The following EPB41L3 variants were observed in gnomAD, a reference collection of about 807,000 sequenced individuals.
EPB41L3 encodes erythrocyte membrane protein band 4.1 like 3.
Under a neutral mutation model 127.1 loss-of-function variants are expected in EPB41L3, and 57 were observed. The ratio of observed to expected loss-of-function variants is 0.45; its 90% CI spans 0.36 to 0.56. The LOEUF is 0.56. Among genes scored for constraint, EPB41L3 ranks in the 20% least tolerant of loss-of-function variants. The pLI is 0.00. For missense variants in EPB41L3, 1,273 were observed against 1,372.2 expected, an observed-to-expected ratio of 0.93 and a Z score of 1.14; for synonymous variants, 572 against 549.5, an observed-to-expected ratio of 1.04 and a Z score of -0.57.
At chr18:5,428,111 G>A (rs1382456319) in intron 9 of EPB41L3, among the ~76,000 whole-genome samples, 3 of 152,126 alleles carry the variant, frequency 2.0e-5, no homozygotes. Context: ...AACGTATGCA[G>A]TAGGAAATAT....
chr18:5,560,937 GTAATTATTTATT>G (rs909834373), intron 3 of EPB41L3, among the ~76,000 whole-genome samples: 7 of 145,650 alleles, frequency 4.8e-5, no homozygotes, highest in Non-Finnish European at 8.9e-5. Flanking sequence ...ATTCATAGTT[GTAATTATTTATT>G]TATTTATTTA....
intron 14 of EPB41L3, 105 bp downstream of exon 14, chr18:5,410,461 T>C (rs1449528434): frequency 3.8e-6 from 3 of 799,794 alleles, no homozygotes; most frequent in African/African-American, 3.3e-5. Flanking sequence ...AAGTTAGAAC[T>C]GATCTCCATT....
At chr18:5,611,925 C>T (rs2094730345) in intron 3 of EPB41L3, among the ~76,000 whole-genome samples, 1 of 152,120 alleles carries the variant, frequency 6.6e-6, no homozygotes, top group Non-Finnish European at 1.5e-5. Flanking sequence ...CACCACTGTA[C>T]TCCTGCCTGG....
chr18:5,470,547 A>C lies in EPB41L3; in HGVS notation c.381+7694T>G, dbSNP rs185139910. 2.5e-4 allele frequency among the ~76,000 whole-genome samples: 38 copies of C among 152,376 alleles called. 1 individual carries two copies. Among genetic ancestry groups the C allele is most frequent in the African/African-American group, 9.1e-4 (38 of 41,596 alleles). ...AGTGCTTATAATGCACAAATTGATCAATGCATTCTAGAAAATGCAAAGATT... is the reference window on the plus strand; with the variant it reads ...AGTGCTTATAATGCACAAATTGATCCATGCATTCTAGAAAATGCAAAGATT... On this transcript the variant is annotated intron_variant, in intron 3 of 22. Transcript: ENST00000341928.
chr18:5,525,836 T>C (rs988941690), intron 1 of EPB41L3, among the ~76,000 whole-genome samples: 1 of 152,152 alleles, frequency 6.6e-6, no homozygotes, highest in African/African-American at 2.4e-5. Context: ...AAACAACTTG[T>C]TTTATCAGGC....
upstream of EPB41L3, chr18:5,544,212 C>T (rs540225570): frequency 2.6e-5 from 26 of 985,614 alleles, no homozygotes; most frequent in South Asian, 1.2e-3. Flanking sequence ...CCTCCTCCGT[C>T]CTGGCGCAGG....
intron 1 of EPB41L3, among the ~76,000 whole-genome samples, chr18:5,619,156 G>A (rs917780797): frequency 1.3e-5 from 2 of 152,168 alleles, no homozygotes; most frequent in African/African-American, 2.4e-5. Flanking sequence ...TATTAAGAGA[G>A]GTTGGGGTGG....
At chr18:5,476,165 T>C (rs2087174797) in intron 3 of EPB41L3, among the ~76,000 whole-genome samples, 1 of 152,192 alleles carries the variant, frequency 6.6e-6, no homozygotes, top group South Asian at 2.1e-4. Context: ...AACTTTACCA[T>C]GTCCAAATTT....
chr18:5,524,893 C>T (rs1046925817), intron 1 of EPB41L3, among the ~76,000 whole-genome samples: 3 of 152,082 alleles, frequency 2.0e-5, no homozygotes, highest in Admixed American at 1.3e-4. Flanking sequence ...CCAAGTCATC[C>T]CCACAAAGGA....
intron 1 of EPB41L3, among the ~76,000 whole-genome samples, chr18:5,514,190 T>C (rs1159086996): frequency 2.0e-5 from 3 of 152,214 alleles, no homozygotes; most frequent in Non-Finnish European, 2.9e-5. Context: ...CCTAACTTAA[T>C]TGAAACAGAA....
chr18:5,396,472 G>T (rs2073492345), intron 18 of EPB41L3, 140 bp from the exon 19 acceptor site: 11 of 920,776 alleles, frequency 1.2e-5, no homozygotes, highest in Non-Finnish European at 1.8e-5. Context: ...GGGGAATGAG[G>T]CATACAACAT....
chr18:5,616,548 AAAC>A (rs554940179), intron 1 of EPB41L3, among the ~76,000 whole-genome samples: 66 of 152,290 alleles, frequency 4.3e-4, no homozygotes, highest in African/African-American at 1.2e-3. Context: ...TCAAAATTCC[AAAC>A]AACTGCTTAA....
chr18:5,573,138 T>C (rs932877279), intron 3 of EPB41L3, among the ~76,000 whole-genome samples: 5 of 152,144 alleles, frequency 3.3e-5, no homozygotes, highest in African/African-American at 9.7e-5. Context: ...AAGGGTGACA[T>C]TTAAAATCCT....
intron 2 of EPB41L3, among the ~76,000 whole-genome samples, chr18:5,481,781 T>C (rs1054820043): frequency 2.0e-5 from 3 of 150,864 alleles, no homozygotes; most frequent in Admixed American, 1.3e-4. Flanking sequence ...ATTGCCAGGA[T>C]AATCCCTCAT....
intron 1 of EPB41L3, among the ~76,000 whole-genome samples, chr18:5,494,538 C>T (rs1230845885): frequency 2.0e-5 from 3 of 151,884 alleles, no homozygotes; most frequent in Admixed American, 2.0e-4. Context: ...GCACCTGTAA[C>T]CCCACCTACT....
intron 4 of EPB41L3, among the ~76,000 whole-genome samples, chr18:5,444,911 A>G (rs138709088): frequency 1.2e-3 from 187 of 152,336 alleles, no homozygotes; most frequent in Middle Eastern, 6.8e-3. Flanking sequence ...TCAAGCATGA[A>G]AAACAAGGCT....
At position 5,456,348 on chromosome 18, in the gene EPB41L3, T is replaced by C. The variant is rs1359772324; in HGVS notation, c.382-11104A>G. On this transcript the variant is annotated intron_variant, in intron 3 of 22. Coordinates refer to ENST00000341928, the MANE Select transcript of EPB41L3 (RefSeq NM_012307.5). ...AGAATAAATAGAAAGAGAAAGAATA[T>C]CAAGGTATTACATAAACCACCAGCA... 2.0e-5 allele frequency among the ~76,000 whole-genome samples: 3 copies of C among 152,320 alleles called. No homozygotes were observed. In the East Asian group the frequency reaches 5.8e-4, roughly 29 times the overall value.
intron 12 of EPB41L3, among the ~76,000 whole-genome samples, chr18:5,419,214 T>G (rs1007010382): frequency 6.6e-6 from 1 of 152,220 alleles, no homozygotes; most frequent in African/African-American, 2.4e-5. Context: ...AGATCCCTTT[T>G]CAAAACATGG....
At chr18:5,582,756 A>T (rs75131246) in intron 3 of EPB41L3, among the ~76,000 whole-genome samples, 390 of 152,340 alleles carry the variant, frequency 2.6e-3, no homozygotes, top group African/African-American at 8.9e-3. Flanking sequence ...CTATAAGTAG[A>T]ATCTATGTGG....
Sources: gnomAD v4.1 joint callset for allele counts (sites outside exome capture counted in the v4.1 genomes callset) on GRCh38, gnomAD v4.1.1 for gene constraint, MANE v1.5 for transcripts, NCBI Gene and HGNC (gene_info 2026-07-23, HGNC 2026-07-21) for gene names.